CORO1C: variants seen among roughly 807,000 people sequenced by gnomAD.
CORO1C encodes coronin 1C.
CORO1C carries 14 observed loss-of-function variants against 51.2 expected under a neutral mutation model. The observed-to-expected ratio is 0.27, with a 90% confidence interval of 0.18 to 0.43. CORO1C has a LOEUF of 0.43. Among genes scored for constraint, CORO1C ranks in the 20% least tolerant of loss-of-function variants. The probability of loss-of-function intolerance (pLI) is 1.00; values close to 1 mark genes in which losing one functional copy is unlikely to be tolerated. For missense variants in CORO1C, 417 were observed against 607.8 expected (o/e 0.69, Z 3.30); for synonymous variants, 181 against 210.5 (o/e 0.86, Z 1.21).
At chr12:108,726,700 C>A (rs1302632276) in intron 1 of CORO1C, among the ~76,000 whole-genome samples, 2 of 151,346 alleles carry the variant, frequency 1.3e-5, no homozygotes, top group Non-Finnish European at 3.0e-5. Context: ...CCCTTAAAAT[C>A]CAATTTACAA....
At chr12:108,654,436 T>TACAC in intron 6 of CORO1C, 26 bp from the exon 7 acceptor site, 8 of 1,273,178 alleles carry the variant, frequency 6.3e-6, no homozygotes, top group Non-Finnish European at 8.0e-6. Flanking sequence ...TAATAATACA[T>TACAC]ATATGTGTAT....
At chr12:108,647,837 G>C (rs553938120) in intron 10 of CORO1C, among the ~76,000 whole-genome samples, 30 of 152,250 alleles carry the variant, frequency 2.0e-4, no homozygotes, top group Admixed American at 1.6e-3. Flanking sequence ...GACAAAACAG[G>C]CTCCTTCAAC....
intron 2 of CORO1C, among the ~76,000 whole-genome samples, chr12:108,686,377 T>C (rs1384992959): frequency 6.6e-6 from 1 of 152,246 alleles, no homozygotes; most frequent in Non-Finnish European, 1.5e-5. Context: ...AGCTTTTAGA[T>C]ATCTTTTTAA....
In CORO1C at chr12:108,669,732, T is replaced by TA. The variant is rs1372082540; in HGVS notation, c.319-7575dup. Among the ~76,000 whole-genome samples, 6 of 150,626 alleles carry TA rather than the reference T, an allele frequency of 4.0e-5. No individual in the cohort carries two copies. In the East Asian group the frequency reaches 7.8e-4, roughly 20 times the overall value. The stretch of plus-strand genomic sequence containing the variant: ...GGGTGTTGTCTGAAACCATTTGATC[T>TA]ATAATACAGTGTTCTTTTACCTTCA... On this transcript the variant is annotated intron_variant, in intron 3 of 10. Coordinates refer to ENST00000261401, the MANE Select transcript of CORO1C (RefSeq NM_014325.4).
At chr12:108,690,572 A>T in intron 2 of CORO1C, among the ~76,000 whole-genome samples, 1 of 152,230 alleles carries the variant, frequency 6.6e-6, no homozygotes, top group East Asian at 1.9e-4. Flanking sequence ...TTATTATCAG[A>T]AAGCAAAAAC....
intron 3 of CORO1C, among the ~76,000 whole-genome samples, chr12:108,663,295 A>T (rs2033346322): frequency 6.6e-6 from 1 of 152,226 alleles, no homozygotes. Flanking sequence ...GATTAAACAG[A>T]GTTATCATAT....
chr12:108,647,949 CT>C (rs1239993046), intron 10 of CORO1C, among the ~76,000 whole-genome samples: 1 of 97,852 alleles, frequency 1.0e-5, no homozygotes, highest in African/African-American at 3.5e-5. Flanking sequence ...CTCCTGCCAT[CT>C]GTGAGGCTCC....
At chr12:108,697,833 G>C (rs925988054) in intron 2 of CORO1C, among the ~76,000 whole-genome samples, 9 of 152,262 alleles carry the variant, frequency 5.9e-5, no homozygotes, top group Admixed American at 2.6e-4. Flanking sequence ...CCAACTAATC[G>C]TATATGAAGA....
intron 1 of CORO1C, among the ~76,000 whole-genome samples, chr12:108,703,362 C>T (rs1024266282): frequency 2.6e-5 from 4 of 152,192 alleles, no homozygotes; most frequent in Non-Finnish European, 5.9e-5. Context: ...ACAAACAGCA[C>T]TTATCTCCAC....
chr12:108,696,570 T>C (rs139714990), intron 2 of CORO1C, among the ~76,000 whole-genome samples: 2 of 152,262 alleles, frequency 1.3e-5, no homozygotes, highest in African/African-American at 4.8e-5. Context: ...ACGTGGTAGA[T>C]TACACAGAGG....
intron 6 of CORO1C, among the ~76,000 whole-genome samples, chr12:108,656,074 G>A (rs1485472644): frequency 1.8e-4 from 23 of 129,062 alleles, no homozygotes; most frequent in Middle Eastern, 4.7e-3. Context: ...TGGCCGACCC[G>A]TCTGAGAAGT....
intron 5 of CORO1C, 152 bp from the exon 6 acceptor site, chr12:108,657,575 T>G (rs1450259555): frequency 1.4e-6 from 1 of 733,592 alleles, no homozygotes; most frequent in Non-Finnish European, 2.2e-6. Context: ...CTTCCCCAGA[T>G]GAGGAAACAA....
intron 3 of CORO1C, among the ~76,000 whole-genome samples, chr12:108,672,985 A>G (rs1290679696): frequency 6.6e-6 from 1 of 152,196 alleles, no homozygotes; most frequent in Non-Finnish European, 1.5e-5. Context: ...TATCTGAGAC[A>G]TAACAACATT....
intron 1 of CORO1C, among the ~76,000 whole-genome samples, chr12:108,705,878 T>A (rs1470372262): frequency 6.6e-6 from 1 of 152,020 alleles, no homozygotes; most frequent in Non-Finnish European, 1.5e-5. Flanking sequence ...ATCACACAAT[T>A]ATCTCAGACA....
At chr12:108,660,913 A>C (rs2033234600) in intron 4 of CORO1C, among the ~76,000 whole-genome samples, 1 of 152,196 alleles carries the variant, frequency 6.6e-6, no homozygotes, top group Non-Finnish European at 1.5e-5. Flanking sequence ...TTTTTATTTA[A>C]CTCACTATGA....
chr12:108,721,454 C>T (rs1237323517), intron 1 of CORO1C, among the ~76,000 whole-genome samples: 2 of 152,184 alleles, frequency 1.3e-5, no homozygotes, highest in African/African-American at 4.8e-5. Flanking sequence ...CTGCAGAATT[C>T]ACCATCAAAG....
At chr12:108,686,305 C>T (rs892897681) in intron 2 of CORO1C, among the ~76,000 whole-genome samples, 1 of 152,212 alleles carries the variant, frequency 6.6e-6, no homozygotes, top group Admixed American at 6.5e-5. Context: ...TTACCTGAAC[C>T]TCTAAGCAGC....
At chr12:108,720,781 C>T (rs916430783) in intron 1 of CORO1C, among the ~76,000 whole-genome samples, 1 of 152,128 alleles carries the variant, frequency 6.6e-6, no homozygotes, top group African/African-American at 2.4e-5. Flanking sequence ...CCTCAGCCTC[C>T]TAAAGTGCTG....
intron 3 of CORO1C, among the ~76,000 whole-genome samples, chr12:108,676,937 T>C (rs754806443): frequency 2.0e-5 from 3 of 151,952 alleles, no homozygotes; most frequent in East Asian, 3.8e-4. Flanking sequence ...GCCAAAATTA[T>C]GAGATCACAG....
Sources: gnomAD v4.1 joint callset for allele counts (sites outside exome capture counted in the v4.1 genomes callset) on GRCh38, gnomAD v4.1.1 for gene constraint, MANE v1.5 for transcripts, NCBI Gene and HGNC (gene_info 2026-07-23, HGNC 2026-07-21) for gene names.